MIGA1: variants seen among roughly 807,000 people sequenced by gnomAD.
MIGA1 encodes the protein family with sequence similarity 73, member A.
MIGA1 carries 58 observed loss-of-function variants against 82.0 expected under a neutral mutation model. The ratio of observed to expected loss-of-function variants is 0.71; its 90% CI spans 0.57 to 0.88. The LOEUF (loss-of-function observed/expected upper bound fraction) is 0.88, where lower values mean the gene tolerates loss of function less well. MIGA1 is among the 40% of genes least tolerant of loss of function. MIGA1 has a pLI of 0.00. For missense variants in MIGA1, 751 were observed against 749.1 expected, an observed-to-expected ratio of 1.00 and a Z score of -0.03; for synonymous variants, 249 against 253.6, an observed-to-expected ratio of 0.98 and a Z score of 0.17.
At chr1:77,806,591 A>G (rs993143382) in intron 4 of MIGA1, among the ~76,000 whole-genome samples, 2 of 152,216 alleles carry the variant, frequency 1.3e-5, no homozygotes, top group South Asian at 2.1e-4. Context: ...TATTTTAGGT[A>G]TCATTTAGCA....
At chr1:77,800,247 T>C (rs546514316) in intron 2 of MIGA1, among the ~76,000 whole-genome samples, 67 of 152,322 alleles carry the variant, frequency 4.4e-4, no homozygotes, top group African/African-American at 1.6e-3. Flanking sequence ...GGTGTGGATT[T>C]CACCTACATT....
intron 7 of MIGA1, among the ~76,000 whole-genome samples, chr1:77,834,062 A>T (rs1233372630): frequency 6.6e-6 from 1 of 152,268 alleles, no homozygotes. Context: ...GCTGTTTTGT[A>T]CATACATTAT....
intron 13 of MIGA1, among the ~76,000 whole-genome samples, chr1:77,865,032 A>T (rs1685610993): frequency 6.6e-6 from 1 of 152,182 alleles, no homozygotes; most frequent in Admixed American, 6.5e-5. Flanking sequence ...TCAATTAAGT[A>T]TGTTTTAATA....
In MIGA1 at chr1:77,779,664, C is replaced by T. The variant is rs1211933772; in HGVS notation, c.9C>T (p.Asp3=). 2.5e-6 allele frequency: 4 copies of T among 1,582,830 alleles called. No individual in the cohort carries two copies. The highest frequency in any genetic ancestry group is 2.3e-5 in the East Asian group (1 of 43,422). The change falls in exon 1 of 16, where the codon GAC becomes GAT. Residue 3 remains aspartate, a synonymous_variant. Transcript: ENST00000370791. ...AGGACTCCGCCTTCTCCATGTCAGA[C>T]TGCTGCTCAGCGCCAGGCATCAGCT... is the stretch of plus-strand genomic sequence containing the variant.
chr1:77,828,902 C>T (rs529905588), intron 7 of MIGA1, among the ~76,000 whole-genome samples: 1 of 152,250 alleles, frequency 6.6e-6, no homozygotes, highest in South Asian at 2.1e-4. Context: ...GGCTCGAACT[C>T]CTGGGCTCAA....
chr1:77,799,005 G>A (rs1461731774), intron 2 of MIGA1, among the ~76,000 whole-genome samples: 1 of 152,122 alleles, frequency 6.6e-6, no homozygotes, highest in Non-Finnish European at 1.5e-5. Context: ...ATTATGGTAA[G>A]TTACATTGAT....
Position 77,804,229 on chromosome 1 carries a change from C to T in MIGA1, c.510+823C>T, listed in dbSNP as rs1178329003. ...AAGCCAAGTGTGAGGTTCTTCACCT[C>T]CTTCTTTGAATCATTAATACAGTAT... On this transcript the variant is annotated intron_variant, in intron 4 of 15. Transcript: ENST00000370791. Among the ~76,000 whole-genome samples, 6 of 152,094 alleles carry T rather than the reference C, an allele frequency of 3.9e-5. No individual in the cohort carries two copies. In the South Asian group the frequency reaches 1.0e-3, roughly 26 times the overall value.
intron 8 of MIGA1, among the ~76,000 whole-genome samples, chr1:77,852,715 G>C (rs1166037864): frequency 6.6e-6 from 1 of 152,124 alleles, no homozygotes; most frequent in Non-Finnish European, 1.5e-5. Flanking sequence ...TTGAGAGAGA[G>C]AATCTCACTC....
chr1:77,857,733 T>G (rs1200944030), intron 8 of MIGA1, among the ~76,000 whole-genome samples: 1 of 149,810 alleles, frequency 6.7e-6, no homozygotes, highest in Non-Finnish European at 1.5e-5. Context: ...GTTGTTTTTT[T>G]TTTTTTTTTT....
chr1:77,870,428 C>G, intron 14 of MIGA1, among the ~76,000 whole-genome samples: 1 of 121,052 alleles, frequency 8.3e-6, no homozygotes, highest in Non-Finnish European at 1.8e-5. Flanking sequence ...AGCAGAGGCG[C>G]TCCTCACATC....
At chr1:77,821,814 A>G (rs1683822512) in intron 7 of MIGA1, among the ~76,000 whole-genome samples, 2 of 152,304 alleles carry the variant, frequency 1.3e-5, no homozygotes, top group Non-Finnish European at 1.5e-5. Flanking sequence ...GAAATCATTA[A>G]TAAAAATTGC....
At chr1:77,868,940 ATTTTT>A (rs1325175440) in intron 14 of MIGA1, among the ~76,000 whole-genome samples, 29 of 145,184 alleles carry the variant, frequency 2.0e-4, no homozygotes, top group African/African-American at 7.3e-4. Flanking sequence ...TAATTTATTT[ATTTTT>A]TTTTTTTATT....
chr1:77,782,614 A>G (rs536547927), intron 1 of MIGA1, among the ~76,000 whole-genome samples: 1 of 152,366 alleles, frequency 6.6e-6, no homozygotes, highest in East Asian at 1.9e-4. Context: ...TTGTGTGTCA[A>G]CTGCTTCTCT....
At chr1:77,792,211 A>G (rs1316286310) in intron 2 of MIGA1, among the ~76,000 whole-genome samples, 1 of 152,246 alleles carries the variant, frequency 6.6e-6, no homozygotes, top group Non-Finnish European at 1.5e-5. Context: ...ACATAAGAGT[A>G]ACACAGGATG....
chr1:77,800,597 C>T (rs1251508648), intron 2 of MIGA1, among the ~76,000 whole-genome samples: 5 of 152,160 alleles, frequency 3.3e-5, no homozygotes, highest in Non-Finnish European at 5.9e-5. Context: ...GAAAGTTAAT[C>T]GCTTCTTGCT....
At chr1:77,796,842 C>T (rs1028885787) in intron 2 of MIGA1, among the ~76,000 whole-genome samples, 5 of 152,170 alleles carry the variant, frequency 3.3e-5, no homozygotes, top group Admixed American at 3.3e-4. Context: ...ACAATTTGTT[C>T]TTTGTTGTGC....
intron 1 of MIGA1, among the ~76,000 whole-genome samples, chr1:77,781,643 C>T (rs1463656108): frequency 6.6e-6 from 1 of 152,106 alleles, no homozygotes; most frequent in Non-Finnish European, 1.5e-5. Flanking sequence ...TTCCTCTGTA[C>T]TTTTTAATCA....
chr1:77,781,429 G>T (rs1205833796), intron 1 of MIGA1, among the ~76,000 whole-genome samples: 3 of 152,152 alleles, frequency 2.0e-5, no homozygotes, highest in East Asian at 1.9e-4. Context: ...TTAATATTTA[G>T]GGAGGGGGAA....
At chr1:77,865,510 T>C (rs1394420366) in intron 13 of MIGA1, among the ~76,000 whole-genome samples, 1 of 152,150 alleles carries the variant, frequency 6.6e-6, no homozygotes, top group African/African-American at 2.4e-5. Context: ...GGAGGTTCAC[T>C]TGAGCCTTGG....
Sources: gnomAD v4.1 joint callset for allele counts (sites outside exome capture counted in the v4.1 genomes callset) on GRCh38, gnomAD v4.1.1 for gene constraint, MANE v1.5 for transcripts, NCBI Gene and HGNC (gene_info 2026-07-23, HGNC 2026-07-21) for gene names.